The following RAB10 variants were observed in gnomAD, a reference collection of about 807,000 sequenced individuals.
The protein encoded by RAB10 is ras-related protein Rab-10.
Under a neutral mutation model 25.7 loss-of-function variants are expected in RAB10, and 5 were observed. The observed-to-expected ratio is 0.19, with a 90% CI of 0.10 to 0.41. RAB10 has a LOEUF of 0.41. Among genes scored for constraint, RAB10 ranks in the 10% least tolerant of loss-of-function variants. The pLI is 1.00. For synonymous variants in RAB10, 89 were observed against 86.4 expected (o/e 1.03, Z -0.16); for missense variants, 103 against 245.8 (o/e 0.42, Z 3.89).
chr2:26,101,139 G>A (rs1179792117), intron 2 of RAB10, among the ~76,000 whole-genome samples: 2 of 152,160 alleles, frequency 1.3e-5, no homozygotes, highest in Admixed American at 1.3e-4. Context: ...GTATTTGCCA[G>A]GTGTTGGTGG....
chr2:26,057,964 A>G (rs1359218062), intron 1 of RAB10, among the ~76,000 whole-genome samples: 1 of 152,106 alleles, frequency 6.6e-6, no homozygotes, highest in Non-Finnish European at 1.5e-5. Context: ...TCTCTTTTAG[A>G]TAGGGGCTGA....
chr2:26,109,033 T>C (rs1667520900), intron 2 of RAB10, among the ~76,000 whole-genome samples: 1 of 151,940 alleles, frequency 6.6e-6, no homozygotes, highest in South Asian at 2.1e-4. Flanking sequence ...TACCTCAGCC[T>C]CCCGAGCAGG....
chr2:26,097,734 G>C (rs573940041), intron 1 of RAB10, among the ~76,000 whole-genome samples: 2 of 152,080 alleles, frequency 1.3e-5, no homozygotes, highest in Admixed American at 1.3e-4. Flanking sequence ...AATATAGTGT[G>C]GTTTAAGTCT....
chr2:26,099,322 A>C (rs956108999), intron 2 of RAB10, among the ~76,000 whole-genome samples: 7 of 152,206 alleles, frequency 4.6e-5, no homozygotes, highest in Non-Finnish European at 8.8e-5. Flanking sequence ...ATATAGAATA[A>C]GTGCACATAA....
At chr2:26,104,639 A>C (rs1308598812) in intron 2 of RAB10, among the ~76,000 whole-genome samples, 1 of 151,878 alleles carries the variant, frequency 6.6e-6, no homozygotes, top group Admixed American at 6.6e-5. Flanking sequence ...TGTAAGAAAC[A>C]GTTGTCAAAT....
At chr2:26,104,349 T>G (rs967544271) in intron 2 of RAB10, among the ~76,000 whole-genome samples, 6 of 152,258 alleles carry the variant, frequency 3.9e-5, no homozygotes, top group Non-Finnish European at 7.3e-5. Context: ...TTGAGCATCT[T>G]AAGTGTTTAT....
intron 5 of RAB10, among the ~76,000 whole-genome samples, chr2:26,133,756 C>G (rs1477351881): frequency 6.6e-6 from 1 of 152,084 alleles, no homozygotes; most frequent in Non-Finnish European, 1.5e-5. Context: ...TCACTGCAAC[C>G]TCTGCCTCCC....
chr2:26,053,729 T>A (rs7423487), intron 1 of RAB10, among the ~76,000 whole-genome samples: 1 of 150,936 alleles, frequency 6.6e-6, no homozygotes, highest in African/African-American at 2.4e-5. Flanking sequence ...CTTTTTTTTT[T>A]ATTTTTTGAG....
chr2:26,096,383 A>T (rs758188645), intron 1 of RAB10, among the ~76,000 whole-genome samples: 28 of 150,162 alleles, frequency 1.9e-4, no homozygotes, highest in Non-Finnish European at 3.5e-4. Context: ...TGTGCTTGCC[A>T]TAGTGGGTGG....
intron 1 of RAB10, among the ~76,000 whole-genome samples, chr2:26,055,611 A>G (rs1196877480): frequency 6.6e-6 from 1 of 150,816 alleles, no homozygotes; most frequent in Non-Finnish European, 1.5e-5. Flanking sequence ...CTGGTCTTGA[A>G]CTCCTGACCT....
chr2:26,131,677 C>T (rs1390393222), intron 5 of RAB10, among the ~76,000 whole-genome samples: 2 of 152,106 alleles, frequency 1.3e-5, no homozygotes, highest in Non-Finnish European at 2.9e-5. Flanking sequence ...CCCTTACTCC[C>T]CAGGTAACTG....
chr2:26,135,058 C>A lies in RAB10; in HGVS notation c.*37C>A. 1 of 1,523,746 alleles carries A rather than the reference C, an allele frequency of 6.6e-7. No individual in the cohort carries two copies. The highest frequency in any genetic ancestry group is 9.0e-7 in the Non-Finnish European group (1 of 1,105,560). The allele number at this position is 1,523,746 out of a possible 1,614,324, so 94.4% of individuals were successfully genotyped here. ...TTCCATCAGTTGCCATCCACTACCC[C>A]GTTTTCTCTTCTTGCTGCAAAATAA... On this transcript the variant is annotated 3_prime_UTR_variant, in exon 6 of 6. Coordinates refer to ENST00000264710, the MANE Select transcript of RAB10 (RefSeq NM_016131.5).
At chr2:26,075,963 A>G (rs1286142901) in intron 1 of RAB10, among the ~76,000 whole-genome samples, 1 of 152,138 alleles carries the variant, frequency 6.6e-6, no homozygotes, top group Non-Finnish European at 1.5e-5. Context: ...TTTGGGCTGG[A>G]TCAGGGAGGT....
chr2:26,094,044 C>A (rs1475479651), intron 1 of RAB10, among the ~76,000 whole-genome samples: 2 of 151,704 alleles, frequency 1.3e-5, no homozygotes, highest in African/African-American at 4.8e-5. Flanking sequence ...TACAGGTGTG[C>A]ACCACCATGC....
At chr2:26,071,308 T>C (rs1310799476) in intron 1 of RAB10, among the ~76,000 whole-genome samples, 1 of 152,240 alleles carries the variant, frequency 6.6e-6, no homozygotes, top group African/African-American at 2.4e-5. Flanking sequence ...AAACTATGGT[T>C]ATTCAGACTT....
chr2:26,077,718 G>C lies in RAB10; in HGVS notation c.128-20944G>C, dbSNP rs568524734. 8.5e-5 allele frequency among the ~76,000 whole-genome samples: 13 copies of C among 152,266 alleles called. No individual in the cohort carries two copies. The South Asian group carries it at 2.7e-3, about 32-fold the overall frequency. On this transcript the variant is annotated intron_variant, in intron 1 of 5. Coordinates refer to ENST00000264710, the MANE Select transcript of RAB10 (RefSeq NM_016131.5). ...TGGGAGGCTGGGCACAGTGGCTCAG[G>C]CCTGTAATCCCAGCACTTTGGGAGG...
intron 1 of RAB10, among the ~76,000 whole-genome samples, chr2:26,043,804 C>T (rs1665940344): frequency 6.6e-6 from 1 of 152,032 alleles, no homozygotes; most frequent in Non-Finnish European, 1.5e-5. Context: ...GAAAAAGTTC[C>T]AGAGAGGAAT....
intron 1 of RAB10, among the ~76,000 whole-genome samples, chr2:26,044,545 T>C (rs1665954623): frequency 6.6e-6 from 1 of 151,462 alleles, no homozygotes; most frequent in African/African-American, 2.4e-5. Context: ...CATGGCTAAT[T>C]AGTTTTTTTT....
chr2:26,088,596 A>G (rs192970875), intron 1 of RAB10, among the ~76,000 whole-genome samples: 2 of 151,976 alleles, frequency 1.3e-5, no homozygotes, highest in Non-Finnish European at 2.9e-5. Flanking sequence ...CACCCTGTTC[A>G]TCTTTAGTTT....
Sources: gnomAD v4.1 joint callset for allele counts (sites outside exome capture counted in the v4.1 genomes callset) on GRCh38, gnomAD v4.1.1 for gene constraint, MANE v1.5 for transcripts, NCBI Gene and HGNC (gene_info 2026-07-23, HGNC 2026-07-21) for gene names.